The following PTPRN variants were observed in gnomAD, a reference collection of about 807,000 sequenced individuals.
PTPRN encodes the protein receptor-type tyrosine-protein phosphatase-like N.
PTPRN carries 70 observed loss-of-function variants against 108.5 expected under a neutral mutation model. The observed-to-expected ratio is 0.65, with a 90% CI of 0.53 to 0.79. The LOEUF is 0.79. Ranked by LOEUF, PTPRN falls within the 30% of genes least tolerant of loss-of-function variation. PTPRN has a pLI of 0.00. For missense variants in PTPRN, 1,136 were observed against 1,295.5 expected, an observed-to-expected ratio of 0.88 and a Z score of 1.89; for synonymous variants, 496 against 524.6, an observed-to-expected ratio of 0.95 and a Z score of 0.75.
At position 219,295,049 on chromosome 2, in the gene PTPRN, G is replaced by A. The variant is rs1952152310; in HGVS notation, c.2601C>T (p.Leu867=). The stretch of plus-strand genomic sequence containing the variant: ...GCCAGCTGAGGAAGTGGAACTGCGT[G>A]AGCGTGCGCGTCTCCTGGGTCTGCA... ...KNVQTQETRT[L]TQFHFLSWPA... The change falls in exon 19 of 23, where the codon CTC becomes CTT. Residue 867 remains leucine, a synonymous_variant. Coordinates refer to ENST00000295718, the MANE Select transcript of PTPRN (RefSeq NM_002846.4). 6.2e-7 allele frequency: 1 copy of A among 1,613,292 alleles called. No individual in the cohort carries two copies. The highest frequency in any genetic ancestry group is 8.5e-7 in the Non-Finnish European group (1 of 1,179,630).
In PTPRN at chr2:219,307,290, C is replaced by T. The variant is rs1952506950; in HGVS notation, c.280+154G>A. 6.3e-6 allele frequency: 4 copies of T among 631,980 alleles called. No homozygotes were observed. The East Asian group carries it at 1.1e-4, about 18-fold the overall frequency. 39.1% of individuals were successfully genotyped at this position (631,980 alleles called of 1,614,324 possible). A position where few individuals can be genotyped will look rare whatever the true frequency, so the allele number is the denominator to read the frequency against. ...CCAGAGAGTCCAAATGTGAATAGCC[C>T]ATCTCTAGGGTTCCACCTCTTACTC... On this transcript the variant is annotated intron_variant, in intron 3 of 22. Transcript: ENST00000295718.
chr2:219,303,224 G>T (rs1489399541), intron 4 of PTPRN, among the ~76,000 whole-genome samples: 2 of 152,178 alleles, frequency 1.3e-5, no homozygotes, highest in Non-Finnish European at 2.9e-5. Context: ...GGCTCTCCAA[G>T]TATATGTCCA....
intron 4 of PTPRN, 69 bp from the exon 5 acceptor site, chr2:219,302,906 T>C: frequency 6.5e-7 from 1 of 1,542,558 alleles, no homozygotes; most frequent in Non-Finnish European, 8.8e-7. Context: ...AAGGCAGAAC[T>C]ATTCGGGGCC....
intron 19 of PTPRN, chr2:219,292,280 C>T (rs1440526868): frequency 6.6e-6 from 1 of 152,658 alleles, no homozygotes; most frequent in Non-Finnish European, 1.5e-5. Flanking sequence ...TCAGACCTTT[C>T]TCCACTGCCC....
rs1324338796 is a variant in PTPRN at position 219,295,054 on chromosome 2, TGC to T, written c.2594_2595del (p.Arg865HisfsTer46). ...YLKNVQTQET[R>X]TLTQFHFLSW... ...CTGAGGAAGTGGAACTGCGTGAGCG[TGC>T]GCGTCTCCTGGGTCTGCACGTTCTT... On this transcript the variant is annotated frameshift_variant, in exon 19 of 23. Coordinates refer to ENST00000295718, the MANE Select transcript of PTPRN (RefSeq NM_002846.4). LOFTEE classifies it high-confidence loss of function. 1 of 1,613,506 alleles carries T rather than the reference TGC, an allele frequency of 6.2e-7. No individual in the cohort carries two copies. The highest frequency in any genetic ancestry group is 1.7e-5 in the Admixed American group (1 of 59,986).
In PTPRN at chr2:219,297,939, G is replaced by A. The variant is rs1227082592; in HGVS notation, c.1833C>T (p.Arg611=). 1 of 1,613,254 alleles carries A rather than the reference G, an allele frequency of 6.2e-7. No homozygotes were observed. Among genetic ancestry groups the A allele is most frequent in the Non-Finnish European group, 8.5e-7 (1 of 1,179,948 alleles). The stretch of plus-strand genomic sequence containing the variant: ...CCCCCTCAGGCCCCAGGGCTGCCAG[G>A]CGCTCCTTGTCTTGCTGCCGCGCAT... ...RQHARQQDKE[R]LAALGPEGAH... is the part of the protein sequence containing the mutation. The change falls in exon 13 of 23, where the codon CGC becomes CGT. Residue 611 remains arginine (R), a synonymous_variant. Transcript: ENST00000295718. This position sits in a 1 kb window ranked among gnomAD's most constrained non-coding sequence, Gnocchi z 6.0.
Position 219,302,724 on chromosome 2 carries a change from T to C in PTPRN, c.491A>G (p.Lys164Arg), listed in dbSNP as rs201826178. The C allele has an allele frequency of 3.7e-5, 60 of 1,613,456 alleles. No individual in the cohort carries two copies. The East Asian group carries it at 1.3e-3, about 35-fold the overall frequency. Reference protein sequence around the residue: ...QHRLPQPPVGKGGAGASSSLS... With the variant: ...QHRLPQPPVGRGGAGASSSLS... ...AGAGGAGCTGGCCCCAGCTCCACCT[T>C]TGCCCACTGGTGGTTGTGGAAGCCG... Residue 164 changes from lysine (K) to arginine (R), a missense_variant, in exon 5 of 23, where the codon AAA (lysine) becomes AGA (arginine). By Grantham distance (26) the Lys-to-Arg change is conservative. Transcript: ENST00000295718.
At position 219,296,385 on chromosome 2, in the gene PTPRN, C is replaced by T. The variant is rs1417802409; in HGVS notation, c.2389-40G>A. 1.2e-6 allele frequency: 2 copies of T among 1,614,034 alleles called. No individual in the cohort carries two copies. Among genetic ancestry groups the T allele is most frequent in the Non-Finnish European group, 1.7e-6 (2 of 1,179,998 alleles). On this transcript the variant is annotated intron_variant, in intron 17 of 22. Transcript: ENST00000295718. The surrounding 1 kb of genome is among the most constrained non-coding windows in gnomAD (Gnocchi z 6.0). Reference sequence around the variant, plus strand: ...CCAGTTGAGCTCCACTCTAACCTCCCTGGGACCTCGTGGCCACAAGGACCC... The same window carrying T: ...CCAGTTGAGCTCCACTCTAACCTCCTTGGGACCTCGTGGCCACAAGGACCC...
Position 219,302,182 on chromosome 2 carries a change from G to T in PTPRN, c.949C>A (p.Leu317Ile). Reference sequence around the variant, plus strand: ...GCAGGCTTCTCTCCACGATCCCCTAGTCCTTCCTTCTCATAGCCCTCTGGG... The same window carrying T: ...GCAGGCTTCTCTCCACGATCCCCTATTCCTTCCTTCTCATAGCCCTCTGGG... Reference protein sequence around the residue: ...DSPEGYEKEGLGDRGEKPASP... With the variant: ...DSPEGYEKEGIGDRGEKPASP... Residue 317 changes from leucine to isoleucine, a missense_variant, in exon 6 of 23, where the codon CTA (leucine) becomes ATA (isoleucine). Coordinates refer to ENST00000295718, the MANE Select transcript of PTPRN (RefSeq NM_002846.4). 1.2e-6 allele frequency: 2 copies of T among 1,608,272 alleles called. No individual in the cohort carries two copies. Among genetic ancestry groups the T allele is most frequent in the Non-Finnish European group, 1.7e-6 (2 of 1,175,536 alleles).
At chr2:219,291,688 G>C in intron 19 of PTPRN, 165 bp from the exon 20 acceptor site, 1 of 712,532 alleles carries the variant, frequency 1.4e-6, no homozygotes, top group South Asian at 1.8e-5. Flanking sequence ...CAAAGAACCA[G>C]AGCTGGTGTG....
intron 3 of PTPRN, 44 bp from the exon 4 acceptor site, chr2:219,303,875 G>T: frequency 6.7e-7 from 1 of 1,496,238 alleles, no homozygotes; most frequent in South Asian, 1.2e-5. Context: ...GGAGTCTGGG[G>T]ATCCAGTAAC....
At chr2:219,299,827 C>A in intron 9 of PTPRN, 41 bp from the exon 10 acceptor site, 1 of 1,569,168 alleles carries the variant, frequency 6.4e-7, no homozygotes. Context: ...GTGGGGCAAC[C>A]CTCTCAGTCA....
chr2:219,299,331 G>A lies in PTPRN; in HGVS notation c.1577C>T (p.Ser526Phe), dbSNP rs921589581. 5 of 1,614,272 alleles carry A rather than the reference G, an allele frequency of 3.1e-6. No homozygotes were observed. Among genetic ancestry groups the A allele is most frequent in the Non-Finnish European group, 4.2e-6 (5 of 1,180,046 alleles). ...TGCTTGTTGGGTCACATCAGCCAAA[G>A]ACAGGTTCTGCTCATTGTGCCGGAT... Reference protein sequence around the residue: ...FRIRHNEQNLSLADVTQQAGL... With the variant: ...FRIRHNEQNLFLADVTQQAGL... The change falls in exon 11 of 23, where the codon TCT becomes TTT. Residue 526 changes from serine to phenylalanine, a missense_variant. By Grantham distance (155) the Ser-to-Phe change is radical. Coordinates refer to ENST00000295718, the MANE Select transcript of PTPRN (RefSeq NM_002846.4).
intron 4 of PTPRN, among the ~76,000 whole-genome samples, 155 bp downstream of exon 4, chr2:219,303,580 G>A (rs1247870798): frequency 6.6e-6 from 1 of 152,204 alleles, no homozygotes; most frequent in Non-Finnish European, 1.5e-5. Context: ...TTGGTCATGT[G>A]AGCATGTCAG....
chr2:219,308,903 G>A, intron 1 of PTPRN: 1 of 1,372,826 alleles, frequency 7.3e-7, no homozygotes, highest in South Asian at 1.2e-5. Context: ...CTCGGAGCAA[G>A]TGGCTTCTCC....
In PTPRN at chr2:219,303,785, C is replaced by G; in HGVS notation, c.327G>C (p.Glu109Asp). 6.2e-7 allele frequency: 1 copy of G among 1,614,076 alleles called. No individual in the cohort carries two copies. The highest frequency in any genetic ancestry group is 8.5e-7 in the Non-Finnish European group (1 of 1,179,944). Residue 109 changes from glutamate (E) to aspartate (D), a missense_variant, in exon 4 of 23, where the codon GAG becomes GAC. Coordinates refer to ENST00000295718, the MANE Select transcript of PTPRN (RefSeq NM_002846.4). ...GGCGAAGCCTGGGGATGCGCTCCAT[C>G]TCCTGAGAGATCACATACTGGGTGA... is the stretch of plus-strand genomic sequence containing the variant. ...DDLTQYVISQEMERIPRLRPP... is the reference protein window; with the variant it reads ...DDLTQYVISQDMERIPRLRPP...
intron 3 of PTPRN, 170 bp downstream of exon 3, chr2:219,307,274 C>A (rs1423591337): frequency 3.3e-6 from 2 of 598,548 alleles, no homozygotes; most frequent in Non-Finnish European, 5.8e-6. Flanking sequence ...TCCAGAGAGT[C>A]CAAATGTGAA....
Position 219,290,667 on chromosome 2 carries a change from C to T in PTPRN, c.2795-56G>A. ...AGGGGGTGTCCAGAGGAGGACAGGA[C>T]CCAGAAAACCTGAGGCCTCCTGGAG... On this transcript the variant is annotated intron_variant, in intron 21 of 22. Coordinates refer to ENST00000295718, the MANE Select transcript of PTPRN (RefSeq NM_002846.4). This position sits in a 1 kb window ranked among gnomAD's most constrained non-coding sequence, Gnocchi z 4.2. The T allele has an allele frequency of 6.6e-7, 1 of 1,511,756 alleles. No individual in the cohort carries two copies. Among genetic ancestry groups the T allele is most frequent in the Non-Finnish European group, 9.0e-7 (1 of 1,110,320 alleles). 93.6% of individuals were successfully genotyped at this position (1,511,756 alleles called of 1,614,324 possible).
At chr2:219,305,874 G>A (rs1036569903) in intron 3 of PTPRN, among the ~76,000 whole-genome samples, 2 of 152,172 alleles carry the variant, frequency 1.3e-5, no homozygotes, top group African/African-American at 4.8e-5. Context: ...TCCTGGCTGA[G>A]CGCGGTTGCT....
Sources: allele counts gnomAD v4.1 joint callset (sites outside exome capture counted in the v4.1 genomes callset), GRCh38; gene constraint gnomAD v4.1.1; non-coding constraint Gnocchi (gnomAD v3.1); transcripts MANE v1.5; gene names NCBI Gene and HGNC (gene_info 2026-07-23, HGNC 2026-07-21).